The following KCNJ6 variants were observed in gnomAD, a reference collection of about 807,000 sequenced individuals.
KCNJ6 encodes G protein-activated inward rectifier potassium channel 2.
KCNJ6 carries 9 observed loss-of-function variants against 34.2 expected under a neutral mutation model. The observed-to-expected ratio is 0.26, with a 90% CI of 0.16 to 0.46. The LOEUF (loss-of-function observed/expected upper bound fraction) is 0.46, where lower values mean the gene tolerates loss of function less well. KCNJ6 is among the 20% of genes least tolerant of loss of function. KCNJ6 has a pLI of 1.00. For synonymous variants in KCNJ6, 196 were observed against 207.1 expected (o/e 0.95, Z 0.46); for missense variants, 236 against 531.3 (o/e 0.44, Z 5.46).
intron 1 of KCNJ6, among the ~76,000 whole-genome samples, chr21:37,875,643 C>T (rs1359155883): frequency 6.6e-6 from 1 of 152,206 alleles, no homozygotes; most frequent in Non-Finnish European, 1.5e-5. Flanking sequence ...CACTTCAATA[C>T]TTATGTGAAA....
chr21:37,665,684 G>T (rs1282776466), intron 3 of KCNJ6, among the ~76,000 whole-genome samples: 5 of 152,158 alleles, frequency 3.3e-5, no homozygotes, highest in Non-Finnish European at 5.9e-5. Flanking sequence ...TACAGTTTTA[G>T]GTCGACCAAG....
intron 2 of KCNJ6, among the ~76,000 whole-genome samples, chr21:37,740,005 CCT>C: frequency 6.6e-6 from 1 of 152,112 alleles, no homozygotes. Context: ...TGCCAGTCTC[CCT>C]GTTCTTTCCT....
chr21:37,678,104 G>A (rs1377503259), intron 3 of KCNJ6, among the ~76,000 whole-genome samples: 1 of 152,044 alleles, frequency 6.6e-6, no homozygotes, highest in Non-Finnish European at 1.5e-5. Context: ...AACAGAAGCC[G>A]GCTAACTTGG....
chr21:37,671,759 C>T (rs992702474), intron 3 of KCNJ6, among the ~76,000 whole-genome samples: 2 of 152,220 alleles, frequency 1.3e-5, no homozygotes, highest in African/African-American at 4.8e-5. Flanking sequence ...GAATGACCTG[C>T]AGCACTGGTT....
chr21:37,660,557 T>G (rs1305683303), intron 3 of KCNJ6, among the ~76,000 whole-genome samples: 1 of 152,226 alleles, frequency 6.6e-6, no homozygotes, highest in African/African-American at 2.4e-5. Flanking sequence ...ACAGAATGCA[T>G]TGTTCCCATA....
intron 1 of KCNJ6, among the ~76,000 whole-genome samples, chr21:37,913,198 A>T (rs986418737): frequency 1.3e-5 from 2 of 152,234 alleles, no homozygotes; most frequent in Non-Finnish European, 2.9e-5. Context: ...GCTTCTCGTA[A>T]AGTGAGAGCA....
At chr21:37,673,085 A>C (rs993652325) in intron 3 of KCNJ6, among the ~76,000 whole-genome samples, 7 of 152,240 alleles carry the variant, frequency 4.6e-5, no homozygotes, top group Admixed American at 2.0e-4. Context: ...TTCATTATTG[A>C]ATGCAAAATG....
chr21:37,912,041 C>T (rs146104778), intron 1 of KCNJ6, among the ~76,000 whole-genome samples: 1 of 152,002 alleles, frequency 6.6e-6, no homozygotes, highest in African/African-American at 2.4e-5. Context: ...CATGTAAGTC[C>T]TATGTATTAA....
chr21:37,731,953 G>C (rs1370995401), intron 2 of KCNJ6, among the ~76,000 whole-genome samples: 1 of 152,218 alleles, frequency 6.6e-6, no homozygotes, highest in African/African-American at 2.4e-5. Flanking sequence ...ACTCTGAATA[G>C]GGTGGTCAGG....
At chr21:37,871,291 C>A (rs1016168220) in intron 1 of KCNJ6, among the ~76,000 whole-genome samples, 2 of 152,148 alleles carry the variant, frequency 1.3e-5, no homozygotes, top group Non-Finnish European at 2.9e-5. Flanking sequence ...GTGTTGTGTC[C>A]ACTCCTCTGA....
chr21:37,712,732 CCTT>C lies in KCNJ6; in HGVS notation c.946+1476_946+1478del, dbSNP rs796936670. 2.5e-5 allele frequency among the ~76,000 whole-genome samples: 3 copies of C among 120,466 alleles called. 1 individual carries two copies. 79.0% of individuals were successfully genotyped at this position (120,466 alleles called of 152,430 possible). A position where few individuals can be genotyped will look rare whatever the true frequency, so the allele number is the denominator to read the frequency against. ...TCCCTTTCTCTTCCCTCCTTCCTCCCCTTCTCCTCCTCTCCTTCCTCCCCTTCC... is the reference window on the plus strand; with the variant it reads ...TCCCTTTCTCTTCCCTCCTTCCTCCCCTCCTCCTCTCCTTCCTCCCCTTCC... On this transcript the variant is annotated intron_variant, in intron 3 of 3. Coordinates refer to ENST00000609713, the MANE Select transcript of KCNJ6 (RefSeq NM_002240.5).
chr21:37,796,358 G>A (rs1217944198), intron 2 of KCNJ6, among the ~76,000 whole-genome samples: 1 of 152,150 alleles, frequency 6.6e-6, no homozygotes. Flanking sequence ...AACCCCGTGA[G>A]CCCAAGGAAA....
intron 1 of KCNJ6, among the ~76,000 whole-genome samples, chr21:37,896,146 G>T (rs2055786962): frequency 6.6e-6 from 1 of 152,178 alleles, no homozygotes; most frequent in Non-Finnish European, 1.5e-5. Context: ...AAGAGACAGA[G>T]GGGGAGGTGC....
At chr21:37,786,890 A>T (rs2055195170) in intron 2 of KCNJ6, among the ~76,000 whole-genome samples, 1 of 152,202 alleles carries the variant, frequency 6.6e-6, no homozygotes, top group South Asian at 2.1e-4. Context: ...TTCAAGTTTT[A>T]GCTATGATTG....
chr21:37,745,819 A>G (rs2054964891), intron 2 of KCNJ6, among the ~76,000 whole-genome samples: 1 of 152,202 alleles, frequency 6.6e-6, no homozygotes, highest in Non-Finnish European at 1.5e-5. Context: ...AAGAAAACAC[A>G]GGAGCACACA....
chr21:37,884,163 T>C (rs1601516254), intron 1 of KCNJ6, among the ~76,000 whole-genome samples: 2 of 152,354 alleles, frequency 1.3e-5, no homozygotes, highest in Middle Eastern at 6.8e-3. Flanking sequence ...CTTGATTCTC[T>C]AGTATGTCTG....
At chr21:37,902,473 A>C (rs1408454610) in intron 1 of KCNJ6, among the ~76,000 whole-genome samples, 1 of 152,234 alleles carries the variant, frequency 6.6e-6, no homozygotes, top group Non-Finnish European at 1.5e-5. Context: ...ATGTGCCTAC[A>C]TGGAATAATA....
At chr21:37,900,751 G>A (rs1405860666) in intron 1 of KCNJ6, among the ~76,000 whole-genome samples, 1 of 152,156 alleles carries the variant, frequency 6.6e-6, no homozygotes, top group Non-Finnish European at 1.5e-5. Flanking sequence ...TATGGAGCAA[G>A]TATCCATCAT....
At chr21:37,680,577 C>A (rs1178912133) in intron 3 of KCNJ6, among the ~76,000 whole-genome samples, 1 of 152,194 alleles carries the variant, frequency 6.6e-6, no homozygotes, top group East Asian at 1.9e-4. Context: ...AAACTGATTG[C>A]CCTTATTCAA....
Sources: gnomAD v4.1 joint callset for allele counts (sites outside exome capture counted in the v4.1 genomes callset) on GRCh38, gnomAD v4.1.1 for gene constraint, MANE v1.5 for transcripts, NCBI Gene and HGNC (gene_info 2026-07-23, HGNC 2026-07-21) for gene names.